The following KY variants were observed in gnomAD, a reference collection of about 807,000 sequenced individuals.
KY encodes the protein kyphoscoliosis peptidase.
In KY, 43 loss-of-function variants were observed where a neutral mutation model predicts 76.1. That is an observed-to-expected ratio of 0.57 (90% confidence interval 0.44 to 0.73). The LOEUF (loss-of-function observed/expected upper bound fraction) is 0.73. Among genes scored for constraint, KY ranks in the 30% least tolerant of loss-of-function variants. The probability of loss-of-function intolerance (pLI) is 0.00; values close to 1 mark genes in which losing one functional copy is unlikely to be tolerated. For synonymous variants in KY, 277 were observed against 326.2 expected, an observed-to-expected ratio of 0.85 and a Z score of 1.63; for missense variants, 722 against 828.9, an observed-to-expected ratio of 0.87 and a Z score of 1.58.
chr3:134,640,520 GCTATTA>G (rs1965615171), intron 3 of KY, among the ~76,000 whole-genome samples: 1 of 152,100 alleles, frequency 6.6e-6, no homozygotes, highest in African/African-American at 2.4e-5. Context: ...TCTGGTCAAC[GCTATTA>G]CTGTGATAGA....
intron 7 of KY, 84 bp from the exon 8 acceptor site, chr3:134,619,349 C>A (rs1962170087): frequency 2.0e-6 from 2 of 1,004,004 alleles, no homozygotes; most frequent in Non-Finnish European, 3.2e-6. Flanking sequence ...GTGCTCTGGC[C>A]ATCACCAGCC....
rs1958945453 is a variant in KY, at chr3:134,601,152, A to G, written c.*2427T>C. Reference sequence around the variant, plus strand: ...GCAGCATGCGTGTAAAAATTCATGAAGATTAGATTTCATTTCATGTATTTT... The same window carrying G: ...GCAGCATGCGTGTAAAAATTCATGAGGATTAGATTTCATTTCATGTATTTT... On this transcript the variant is annotated 3_prime_UTR_variant, in exon 11 of 11. Coordinates refer to ENST00000423778, the MANE Select transcript of KY (RefSeq NM_178554.6). 1.3e-5 allele frequency: 2 copies of G among 152,208 alleles called. No individual in the cohort carries two copies. Among genetic ancestry groups the G allele is most frequent in the Non-Finnish European group, 2.9e-5 (2 of 68,042 alleles). 9.4% of individuals were successfully genotyped at this position (152,208 alleles called of 1,614,324 possible). A position where few individuals can be genotyped will look rare whatever the true frequency, so the allele number is the denominator to read the frequency against.
At chr3:134,631,398 C>T (rs1043111505) in intron 3 of KY, among the ~76,000 whole-genome samples, 6 of 152,246 alleles carry the variant, frequency 3.9e-5, no homozygotes, top group Non-Finnish European at 8.8e-5. Flanking sequence ...GGAAGTTCTT[C>T]AGACGGAAGA....
Position 134,627,745 on chromosome 3 carries a change from C to G in KY, c.400+11G>C. 1.2e-6 allele frequency: 2 copies of G among 1,613,186 alleles called. No homozygotes were observed. The highest frequency in any genetic ancestry group is 1.7e-6 in the Non-Finnish European group (2 of 1,179,232). ...CTCTTGAGAATTGTCCTGGAAGACT[C>G]TGGAACTTACCATGGGCATCTTTCC... On this transcript the variant is annotated intron_variant, in intron 5 of 10. Transcript: ENST00000423778.
intron 8 of KY, among the ~76,000 whole-genome samples, chr3:134,618,652 G>A (rs1962024580): frequency 6.6e-6 from 1 of 152,046 alleles, no homozygotes; most frequent in African/African-American, 2.4e-5. Context: ...CACTCCCAGA[G>A]TGCTGAAAAT....
chr3:134,617,409 TTC>T (rs1050394206), intron 8 of KY, among the ~76,000 whole-genome samples: 2 of 152,180 alleles, frequency 1.3e-5, no homozygotes, highest in African/African-American at 2.4e-5. Flanking sequence ...GGGTGTAGGA[TTC>T]TGAGATGGGT....
At chr3:134,638,948 A>G (rs2107973007) in intron 3 of KY, among the ~76,000 whole-genome samples, 1 of 151,122 alleles carries the variant, frequency 6.6e-6, no homozygotes, top group Non-Finnish European at 1.5e-5. Flanking sequence ...ACGGGTGTAT[A>G]TGTGTGTGGA....
chr3:134,615,824 T>C (rs912733440), intron 8 of KY, among the ~76,000 whole-genome samples: 2 of 152,214 alleles, frequency 1.3e-5, no homozygotes, highest in Admixed American at 6.5e-5. Context: ...TTTAGGATTA[T>C]AGGGGACATA....
chr3:134,613,041 A>G (rs1560107552), intron 8 of KY: 2 of 154,380 alleles, frequency 1.3e-5, no homozygotes, highest in South Asian at 2.0e-4. Flanking sequence ...ATGTCTGTGC[A>G]TATCACTTTC....
In KY at chr3:134,604,779, C is replaced by G. The variant is rs114801905; in HGVS notation, c.1091-305G>C. On this transcript the variant is annotated intron_variant, in intron 10 of 10. Coordinates refer to ENST00000423778, the MANE Select transcript of KY (RefSeq NM_178554.6). ...TTATCCCAAGCTGTATGTGTGCATC[C>G]TGCCCAATTGATTCACATTAGATGA... Among the ~76,000 whole-genome samples, 1,275 of 152,284 alleles carry G rather than the reference C, an allele frequency of 8.4e-3. 22 individuals carry two copies. The highest frequency in any genetic ancestry group is 0.029 in the African/African-American group (1,215 of 41,556).
intron 10 of KY, among the ~76,000 whole-genome samples, chr3:134,606,434 C>T (rs1959205193): frequency 6.6e-6 from 1 of 152,204 alleles, no homozygotes; most frequent in African/African-American, 2.4e-5. Context: ...CCTCTCCTCC[C>T]TCCCCACCAC....
intron 7 of KY, 30 bp downstream of exon 7, chr3:134,620,719 T>C: frequency 6.6e-7 from 1 of 1,525,100 alleles, no homozygotes; most frequent in Non-Finnish European, 9.1e-7. Flanking sequence ...CAAGGGATTC[T>C]AGAGCCAGAA....
In KY at chr3:134,619,001, T is replaced by C. The variant is rs1962096301; in HGVS notation, c.710+147A>G. On this transcript the variant is annotated intron_variant, in intron 8 of 10. Transcript: ENST00000423778. ...TATGCTGGTGTTAAAAAGGGAGAAA[T>C]TGACCTTTTCAGGACTCACTTGGGT... 9 of 644,556 alleles carry C rather than the reference T, an allele frequency of 1.4e-5. No individual in the cohort carries two copies. In the East Asian group the frequency reaches 2.2e-4, roughly 16 times the overall value. The allele number at this position is 644,556 out of a possible 1,614,324, so 39.9% of individuals were successfully genotyped here.
At chr3:134,604,578 T>C (rs1298024163) in intron 10 of KY, 104 bp from the exon 11 acceptor site, 3 of 977,256 alleles carry the variant, frequency 3.1e-6, no homozygotes, top group East Asian at 2.4e-5. Context: ...TCCTGACTTA[T>C]AGAGCTTGTC....
chr3:134,606,084 C>A (rs542035427), intron 10 of KY, among the ~76,000 whole-genome samples: 1 of 152,304 alleles, frequency 6.6e-6, no homozygotes, highest in Admixed American at 6.5e-5. Flanking sequence ...CCCTCCTCTC[C>A]CCTCACTTCT....
At chr3:134,612,595 G>A (rs935646165) in intron 8 of KY, among the ~76,000 whole-genome samples, 2 of 152,122 alleles carry the variant, frequency 1.3e-5, no homozygotes, top group African/African-American at 4.8e-5. Flanking sequence ...GGGTGGGATA[G>A]ACATTCTATA....
At chr3:134,639,336 C>T (rs1965418603) in intron 3 of KY, among the ~76,000 whole-genome samples, 1 of 152,214 alleles carries the variant, frequency 6.6e-6, no homozygotes, top group South Asian at 2.1e-4. Context: ...CATGAAAACC[C>T]CACTCAGCAG....
chr3:134,625,034 G>C lies in KY; in HGVS notation c.483+19C>G. 6.3e-7 allele frequency: 1 copy of C among 1,577,244 alleles called. No homozygotes were observed. The highest frequency in any genetic ancestry group is 2.3e-5 in the East Asian group (1 of 43,186). On this transcript the variant is annotated intron_variant, in intron 6 of 10. Coordinates refer to ENST00000423778, the MANE Select transcript of KY (RefSeq NM_178554.6). Reference sequence around the variant, plus strand: ...GCCACCTTGAAGGGGCCCATGGTCAGAGCGGCCAGCTGTCCTACCTGTGAG... The same window carrying C: ...GCCACCTTGAAGGGGCCCATGGTCACAGCGGCCAGCTGTCCTACCTGTGAG...
Position 134,620,774 on chromosome 3 carries a change from G to C in KY, c.567C>G (p.Ile189Met), listed in dbSNP as rs756477160. ...CTATGTGATGGCAGATCCAGATCCA[G>C]ATGGCGCGGACCCTTTCCAGGTCAG... ...AHTDLERVRA[I>M]WIWICHHIEY... Residue 189 changes from isoleucine to methionine, a missense_variant, in exon 7 of 11, where the codon ATC (isoleucine) becomes ATG (methionine). Physicochemically the swap from Ile to Met is conservative, Grantham distance 10. This residue lies in a region of KY where 552 missense variants were observed against 680.9 expected (regional missense o/e 0.81). Transcript: ENST00000423778. The C allele has an allele frequency of 1.2e-6, 2 of 1,613,734 alleles. No homozygotes were observed. Among genetic ancestry groups the C allele is most frequent in the Non-Finnish European group, 1.7e-6 (2 of 1,179,744 alleles).
Sources: gnomAD v4.1 joint callset for allele counts (sites outside exome capture counted in the v4.1 genomes callset) on GRCh38, gnomAD v4.1.1 for gene constraint, gnomAD v4.1.1 regional missense constraint, MANE v1.5 for transcripts, NCBI Gene and HGNC (gene_info 2026-07-23, HGNC 2026-07-21) for gene names.